The following SYT14 variants were observed in gnomAD, a reference collection of about 807,000 sequenced individuals.
SYT14 encodes the protein synaptotagmin 14.
A neutral mutation model predicts 74.2 loss-of-function variants in SYT14; 32 were observed. That is an observed-to-expected ratio of 0.43 (90% CI 0.33 to 0.58). The LOEUF is 0.58. Among genes scored for constraint, SYT14 ranks in the 20% least tolerant of loss-of-function variants. The pLI, the probability that SYT14 is intolerant of heterozygous loss-of-function variation, is 0.05. For synonymous variants in SYT14, 298 were observed against 337.7 expected (o/e 0.88, Z 1.29); for missense variants, 791 against 981.8 (o/e 0.81, Z 2.60).
At chr1:210,152,165 C>T (rs1160370862) in intron 7 of SYT14, among the ~76,000 whole-genome samples, 1 of 152,160 alleles carries the variant, frequency 6.6e-6, no homozygotes, top group Admixed American at 6.6e-5. Flanking sequence ...ACATACCAAA[C>T]TATGTGTTTT....
At chr1:210,160,081 A>G (rs901981008) in intron 9 of SYT14, among the ~76,000 whole-genome samples, 4 of 152,178 alleles carry the variant, frequency 2.6e-5, no homozygotes, top group Non-Finnish European at 4.4e-5. Context: ...AAACCAGGAG[A>G]AAGTTTTACT....
At chr1:210,110,124 G>A (rs2082234346) in intron 7 of SYT14, among the ~76,000 whole-genome samples, 2 of 152,188 alleles carry the variant, frequency 1.3e-5, no homozygotes. Context: ...TCAGGGGATT[G>A]AGGGTTAGGG....
Position 210,148,900 on chromosome 1 carries a change from A to G in SYT14, c.2035-6821A>G, listed in dbSNP as rs184495052. The stretch of plus-strand genomic sequence containing the variant: ...CAAGAATAACATGAGAAAATTATAA[A>G]CCAATCTCATTTATAAACATATATG... On this transcript the variant is annotated intron_variant, in intron 7 of 9. Coordinates refer to ENST00000637265, the Ensembl canonical transcript of SYT14. Among the ~76,000 whole-genome samples, 3 of 152,318 alleles carry G rather than the reference A, an allele frequency of 2.0e-5. No individual in the cohort carries two copies. The East Asian group carries it at 5.8e-4, about 29-fold the overall frequency.
chr1:210,100,578 A>G, intron 7 of SYT14, 117 bp downstream of exon 6: 1 of 1,006,430 alleles, frequency 9.9e-7, no homozygotes, highest in East Asian at 2.6e-5. Context: ...TTACATAGTA[A>G]TCATGCCTTT....
intron 5 of SYT14, among the ~76,000 whole-genome samples, chr1:210,027,375 A>C (rs111941777): frequency 7.9e-5 from 12 of 151,768 alleles, no homozygotes; most frequent in African/African-American, 2.7e-4. Flanking sequence ...TGATCATGCA[A>C]CTACACTCCA....
chr1:209,990,536 T>C lies in SYT14; in HGVS notation c.-485-23097T>C, dbSNP rs527895174. Among the ~76,000 whole-genome samples the C allele has an allele frequency of 3.2e-4, 14 of 44,350 alleles. No individual in the cohort carries two copies. In the South Asian group the frequency reaches 7.6e-3, roughly 24 times the overall value. 29.1% of individuals were successfully genotyped at this position (44,350 alleles called of 152,430 possible). A position where few individuals can be genotyped will look rare whatever the true frequency, so the allele number is the denominator to read the frequency against. Reference sequence around the variant, plus strand: ...AAGGAATATTTCACATATATATATATACGTATATATATGTATATATATACG... The same window carrying C: ...AAGGAATATTTCACATATATATATACACGTATATATATGTATATATATACG... On this transcript the variant is annotated intron_variant, in intron 2 of 9. Transcript: ENST00000637265.
chr1:209,950,153 C>T (rs1342876854), intron 1 of SYT14, among the ~76,000 whole-genome samples: 1 of 152,064 alleles, frequency 6.6e-6, no homozygotes, highest in Admixed American at 6.6e-5. Context: ...GTTCTAATTA[C>T]AGGCTTTAAA....
exon 10 of SYT14, chr1:210,166,190 A>G (rs2083453414): frequency 1.3e-5 from 2 of 152,254 alleles, no homozygotes; most frequent in African/African-American, 4.8e-5. Context: ...ACTCCCATCA[A>G]ACTTGAGGAC....
At position 209,994,177 on chromosome 1, in the gene SYT14, A is replaced by G. The variant is rs139485414; in HGVS notation, c.-485-19456A>G. 2.8e-3 allele frequency among the ~76,000 whole-genome samples: 423 copies of G among 152,322 alleles called. 2 individuals carry two copies. Among genetic ancestry groups the G allele is most frequent in the African/African-American group, 9.5e-3 (397 of 41,572 alleles). On this transcript the variant is annotated intron_variant, in intron 2 of 9. Transcript: ENST00000637265. Reference sequence around the variant, plus strand: ...AAATGACTGAAATAACAGTCATAGAATTCAGAATCTGGATAGAAGGGATGC... The same window carrying G: ...AAATGACTGAAATAACAGTCATAGAGTTCAGAATCTGGATAGAAGGGATGC...
chr1:210,082,451 G>A (rs945123312), intron 5 of SYT14, among the ~76,000 whole-genome samples: 1 of 151,914 alleles, frequency 6.6e-6, no homozygotes, highest in Non-Finnish European at 1.5e-5. Flanking sequence ...AGAACATTTC[G>A]CTTCTGTTGG....
chr1:210,033,190 T>C lies in SYT14; in HGVS notation c.1312+11936T>C, dbSNP rs138754353. Among the ~76,000 whole-genome samples the C allele has an allele frequency of 8.1e-3, 1,231 of 151,984 alleles. 20 individuals are homozygous for C. Among genetic ancestry groups the C allele is most frequent in the African/African-American group, 0.028 (1,175 of 41,552 alleles). ...GAAGCAAAAAGAAAAGAGACCTGACTGAATGCAAATTTTATTGGACAATAG... is the reference window on the plus strand; with the variant it reads ...GAAGCAAAAAGAAAAGAGACCTGACCGAATGCAAATTTTATTGGACAATAG... On this transcript the variant is annotated intron_variant, in intron 5 of 9. Transcript: ENST00000637265.
intron 1 of SYT14, among the ~76,000 whole-genome samples, chr1:209,952,333 C>T (rs1467224495): frequency 6.6e-6 from 1 of 151,940 alleles, no homozygotes; most frequent in Admixed American, 6.6e-5. Context: ...CAGGATTGAC[C>T]TTTCAATAAC....
chr1:210,139,265 C>CTTTTTTTTGT (rs2082862337), intron 7 of SYT14, among the ~76,000 whole-genome samples: 1 of 95,858 alleles, frequency 1.0e-5, no homozygotes, highest in African/African-American at 4.1e-5. Context: ...TTTCTTTTTT[C>CTTTTTTTTGT]TTTTTTTTTT....
chr1:209,973,721 T>C (rs1307212049), intron 2 of SYT14, among the ~76,000 whole-genome samples: 1 of 152,202 alleles, frequency 6.6e-6, no homozygotes, highest in East Asian at 1.9e-4. Context: ...TTTGGGTATA[T>C]ACCCAGTAAT....
intron 7 of SYT14, 44 bp from the exon 7 acceptor site, chr1:210,155,677 A>C: frequency 6.3e-7 from 1 of 1,598,150 alleles, no homozygotes; most frequent in Non-Finnish European, 8.6e-7. Flanking sequence ...CTCTTAATAT[A>C]TCTCTCTTGC....
intron 2 of SYT14, among the ~76,000 whole-genome samples, chr1:209,991,084 A>G (rs559557463): frequency 6.6e-6 from 1 of 152,328 alleles, no homozygotes; most frequent in South Asian, 2.1e-4. Context: ...TGCCATATGC[A>G]GAATGAAACT....
chr1:209,990,527 A>ATCTATATATACG (rs2079646257), intron 2 of SYT14, among the ~76,000 whole-genome samples: 1 of 12,818 alleles, frequency 7.8e-5, no homozygotes, highest in Admixed American at 4.1e-4. Context: ...TATTTCACAT[A>ATCTATATATACG]TATATATATA....
At chr1:210,019,449 A>C (rs766599498) in intron 4 of SYT14, among the ~76,000 whole-genome samples, 1 of 152,228 alleles carries the variant, frequency 6.6e-6, no homozygotes, top group Non-Finnish European at 1.5e-5. Context: ...GCTGTTGAGC[A>C]CTTCAAATGT....
At chr1:209,945,387 C>T (rs777928448) in intron 1 of SYT14, among the ~76,000 whole-genome samples, 17 of 152,040 alleles carry the variant, frequency 1.1e-4, no homozygotes, top group Non-Finnish European at 2.1e-4. Flanking sequence ...GGTATTATTC[C>T]TTGAATGGTC....
Sources: allele counts gnomAD v4.1 joint callset (sites outside exome capture counted in the v4.1 genomes callset), GRCh38; gene constraint gnomAD v4.1.1; transcripts MANE v1.5; gene names NCBI Gene and HGNC (gene_info 2026-07-23, HGNC 2026-07-21).